Variants in DNAI7 observed in about 807,000 individuals in gnomAD.
The protein encoded by DNAI7 is cancer susceptibility 1.
DNAI7 carries 78 observed loss-of-function variants against 86.6 expected under a neutral mutation model. The observed-to-expected ratio is 0.90, with a 90% confidence interval of 0.75 to 1.09. The LOEUF (loss-of-function observed/expected upper bound fraction) is 1.09, where lower values mean the gene tolerates loss of function less well. Among genes scored for constraint, DNAI7 ranks in the 50% least tolerant of loss-of-function variants. The pLI is 0.00. For missense variants in DNAI7, 753 were observed against 810.2 expected, an observed-to-expected ratio of 0.93 and a Z score of 0.86; for synonymous variants, 274 against 273.0, an observed-to-expected ratio of 1.00 and a Z score of -0.04.
In DNAI7 at chr12:25,149,562, A is replaced by T. The variant is rs193026697; in HGVS notation, c.585+66T>A. On this transcript the variant is annotated intron_variant, in intron 7 of 15. Coordinates refer to ENST00000395987, the MANE Select transcript of DNAI7 (RefSeq NM_018272.5). ...CATTTTTCAATTTAAAAAATACTGG[A>T]TTATTTTATAACATAAAATGTTAGC... 68 of 1,170,608 alleles carry T rather than the reference A, an allele frequency of 5.8e-5. No homozygotes were observed. In the Admixed American group the frequency reaches 6.3e-4, roughly 11 times the overall value. The allele number at this position is 1,170,608 out of a possible 1,614,324, so 72.5% of individuals were successfully genotyped here. A position where few individuals can be genotyped will look rare whatever the true frequency, so the allele number is the denominator to read the frequency against.
chr12:25,170,877 A>G (rs11533487), intron 2 of DNAI7, among the ~76,000 whole-genome samples: 17,527 of 152,278 alleles, frequency 0.12, 1,357 homozygotes, highest in Admixed American at 0.16. Context: ...CTGAATGAGC[A>G]TTGGGTCAAA....
In DNAI7 at chr12:25,181,103, C is replaced by T. The variant is rs1050660781; in HGVS notation, c.21+9511G>A. Among the ~76,000 whole-genome samples the T allele has an allele frequency of 6.6e-5, 10 of 152,016 alleles. No individual in the cohort carries two copies. In the South Asian group the frequency reaches 1.5e-3, roughly 22 times the overall value. ...GACTATAGGCATGAGCCATCGTGCC[C>T]GGCCTATAATTTTTTTTAAGAGACA... On this transcript the variant is annotated intron_variant, in intron 2 of 15. Transcript: ENST00000395987.
rs1376009076 is a variant in DNAI7, at chr12:25,144,557, G to A, written c.810C>T (p.His270=). 7 of 1,614,050 alleles carry A rather than the reference G, an allele frequency of 4.3e-6. No homozygotes were observed. The highest frequency in any genetic ancestry group is 5.1e-6 in the Non-Finnish European group (6 of 1,179,980). Residue 270 remains histidine (H), a synonymous_variant, in exon 9 of 16, where the codon CAC becomes CAT. Coordinates refer to ENST00000395987, the MANE Select transcript of DNAI7 (RefSeq NM_018272.5). Reference sequence around the variant, plus strand: ...ATTCTTTTGATGGTGTTGAAACAGGGTGCAGTGCAGAAACATGATCATAGT... The same window carrying A: ...ATTCTTTTGATGGTGTTGAAACAGGATGCAGTGCAGAAACATGATCATAGT... ...HTHYDHVSAL[H]PVSTPSKEYT...
At chr12:25,160,838 C>A (rs1272061772) in intron 3 of DNAI7, among the ~76,000 whole-genome samples, 9 of 152,056 alleles carry the variant, frequency 5.9e-5, no homozygotes. Flanking sequence ...TTGCATGGGA[C>A]AAATTATCCC....
chr12:25,134,352 C>CA (rs766442145), intron 9 of DNAI7, among the ~76,000 whole-genome samples: 9 of 91,160 alleles, frequency 9.9e-5, no homozygotes, highest in African/African-American at 3.3e-4. Context: ...CCTTGGCGTA[C>CA]TTTTTTTTTT....
At chr12:25,140,036 G>C (rs902599790) in intron 9 of DNAI7, among the ~76,000 whole-genome samples, 6 of 151,970 alleles carry the variant, frequency 3.9e-5, no homozygotes, top group African/African-American at 1.5e-4. Flanking sequence ...GCATAGAAGG[G>C]AAATGCCTTA....
intron 10 of DNAI7, among the ~76,000 whole-genome samples, chr12:25,122,273 C>T (rs903309052): frequency 6.6e-6 from 1 of 151,890 alleles, no homozygotes; most frequent in East Asian, 1.9e-4. Context: ...GTCTGGGCAA[C>T]ATAGCAAGAC....
chr12:25,114,624 G>A (rs753398807), intron 13 of DNAI7, 32 bp downstream of exon 13: 24 of 1,437,222 alleles, frequency 1.7e-5, no homozygotes, highest in Admixed American at 8.4e-5. Flanking sequence ...CCTCTGATAC[G>A]ATAGTACATA....
intron 9 of DNAI7, among the ~76,000 whole-genome samples, chr12:25,142,688 A>C (rs1944352033): frequency 6.6e-6 from 1 of 152,212 alleles, no homozygotes; most frequent in South Asian, 2.1e-4. Context: ...TATGTAAAAT[A>C]CTGATAGGTT....
chr12:25,152,113 C>T (rs1945623142), intron 6 of DNAI7, among the ~76,000 whole-genome samples: 1 of 152,172 alleles, frequency 6.6e-6, no homozygotes, highest in South Asian at 2.1e-4. Flanking sequence ...TTGGTCTCTG[C>T]CCCCTGTTCC....
chr12:25,130,466 G>A (rs1402187973), intron 9 of DNAI7, among the ~76,000 whole-genome samples: 1 of 152,072 alleles, frequency 6.6e-6, no homozygotes, highest in Non-Finnish European at 1.5e-5. Flanking sequence ...AAACCTGGGA[G>A]GCAGAGCTTG....
At chr12:25,116,926 G>A (rs959648587) in intron 12 of DNAI7, among the ~76,000 whole-genome samples, 5 of 152,088 alleles carry the variant, frequency 3.3e-5, no homozygotes, top group Admixed American at 2.0e-4. Flanking sequence ...GAATTTACTA[G>A]GTTTTTTAAC....
chr12:25,123,552 G>C (rs1035569674), intron 9 of DNAI7, among the ~76,000 whole-genome samples: 2 of 152,204 alleles, frequency 1.3e-5, no homozygotes, highest in African/African-American at 4.8e-5. Flanking sequence ...ATGGAGATTA[G>C]GAAGCAATGC....
At position 25,156,061 on chromosome 12, in the gene DNAI7, G is replaced by A. The variant is rs542765252; in HGVS notation, c.199-649C>T. Among the ~76,000 whole-genome samples the A allele has an allele frequency of 5.3e-5, 8 of 151,750 alleles. No homozygotes were observed. In the East Asian group the frequency reaches 1.5e-3, roughly 29 times the overall value. On this transcript the variant is annotated intron_variant, in intron 4 of 15. Coordinates refer to ENST00000395987, the MANE Select transcript of DNAI7 (RefSeq NM_018272.5). ...AGAGGTTCCACTAACCCAAGATCGC[G>A]CAACCGCACTCCAGCCTGGATGACA... is the stretch of plus-strand genomic sequence containing the variant.
At chr12:25,140,085 A>T (rs561966465) in intron 9 of DNAI7, among the ~76,000 whole-genome samples, 24 of 152,306 alleles carry the variant, frequency 1.6e-4, no homozygotes, top group Non-Finnish European at 2.9e-4. Flanking sequence ...CACAGCCAAC[A>T]TTATACTGAA....
At chr12:25,180,578 T>C (rs1263372408) in intron 2 of DNAI7, among the ~76,000 whole-genome samples, 2 of 152,026 alleles carry the variant, frequency 1.3e-5, no homozygotes, top group African/African-American at 4.8e-5. Flanking sequence ...ATGGTATTGG[T>C]ATAAAAATAG....
In DNAI7 at chr12:25,117,941, T is replaced by TCTTTC. The variant is rs59352722; in HGVS notation, c.1396+1203_1396+1204insGAAAG. ...ACTATTTTGATATTTTCTTTTTCTT[T>TCTTTC]TTTTTTTTTTTTTTGAGACGGAGGG... On this transcript the variant is annotated intron_variant, in intron 12 of 15. Coordinates refer to ENST00000395987, the MANE Select transcript of DNAI7 (RefSeq NM_018272.5). Among the ~76,000 whole-genome samples the TCTTTC allele has an allele frequency of 7.9e-4, 110 of 139,586 alleles. 1 individual carries two copies. Among genetic ancestry groups the TCTTTC allele is most frequent in the African/African-American group, 2.6e-3 (99 of 38,560 alleles). 91.6% of individuals were successfully genotyped at this position (139,586 alleles called of 152,430 possible).
chr12:25,128,378 C>T (rs1942424301), intron 9 of DNAI7, among the ~76,000 whole-genome samples: 1 of 152,168 alleles, frequency 6.6e-6, no homozygotes, highest in Non-Finnish European at 1.5e-5. Flanking sequence ...CTCATTCATT[C>T]CAGTGGCTTT....
At chr12:25,155,221 A>C (rs991340270) in intron 5 of DNAI7, 90 bp downstream of exon 5, 1 of 594,582 alleles carries the variant, frequency 1.7e-6, no homozygotes, top group Non-Finnish European at 2.9e-6. Context: ...AAACAGAAAA[A>C]TTTAGTTTCT....
Sources: gnomAD v4.1 joint callset for allele counts (sites outside exome capture counted in the v4.1 genomes callset) on GRCh38, gnomAD v4.1.1 for gene constraint, MANE v1.5 for transcripts, NCBI Gene and HGNC (gene_info 2026-07-23, HGNC 2026-07-21) for gene names.